PSEN1: variants seen among roughly 807,000 people sequenced by gnomAD.
The protein encoded by PSEN1 is presenilin 1, also known as presenilin-1.
PSEN1 carries 15 observed loss-of-function variants against 53.5 expected under a neutral mutation model. That is an observed-to-expected ratio of 0.28 (90% CI 0.19 to 0.43). PSEN1 has a LOEUF of 0.43. Ranked by LOEUF, PSEN1 falls within the 20% of genes least tolerant of loss-of-function variation. PSEN1 has a pLI of 1.00. For missense variants in PSEN1, 387 were observed against 571.2 expected (o/e 0.68, Z 3.29); for synonymous variants, 208 against 209.8 (o/e 0.99, Z 0.08).
At chr14:73,151,111 G>A (rs1897210167) in intron 3 of PSEN1, among the ~76,000 whole-genome samples, 1 of 152,142 alleles carries the variant, frequency 6.6e-6, no homozygotes, top group East Asian at 1.9e-4. Context: ...ATGTCTGAAA[G>A]TTGAAGAGAA....
intron 8 of PSEN1, among the ~76,000 whole-genome samples, chr14:73,202,046 C>G (rs894816551): frequency 4.0e-5 from 6 of 151,810 alleles, no homozygotes; most frequent in African/African-American, 1.2e-4. Context: ...TGCACCCGAC[C>G]TGTTTTATTT....
At chr14:73,206,494 A>G (rs767718789) in intron 9 of PSEN1, 22 bp downstream of exon 9, 3 of 1,530,900 alleles carry the variant, frequency 2.0e-6, no homozygotes, top group Admixed American at 3.3e-5. Context: ...TTATTAGATA[A>G]TATCTTGATT....
chr14:73,174,094 A>C, intron 5 of PSEN1: 1 of 268,700 alleles, frequency 3.7e-6, no homozygotes, highest in East Asian at 7.0e-5. Flanking sequence ...ATCAAGATTT[A>C]GTGATAATTT....
At chr14:73,216,110 A>G (rs534560557) in intron 10 of PSEN1, among the ~76,000 whole-genome samples, 4 of 152,338 alleles carry the variant, frequency 2.6e-5, no homozygotes, top group Non-Finnish European at 5.9e-5. Context: ...TCAGCTTCCA[A>G]TAACTTCCAA....
chr14:73,169,876 C>T (rs1897835707), intron 3 of PSEN1, among the ~76,000 whole-genome samples: 1 of 152,162 alleles, frequency 6.6e-6, no homozygotes, highest in Non-Finnish European at 1.5e-5. Flanking sequence ...AAACTCCTGA[C>T]CTCAAGTGAT....
At chr14:73,174,141 GTC>G (rs1283849258) in intron 5 of PSEN1, 1 of 200,832 alleles carries the variant, frequency 5.0e-6, no homozygotes, top group Non-Finnish European at 1.0e-5. Flanking sequence ...TTAGGCCATT[GTC>G]TCAAAAAATA....
chr14:73,195,495 T>C (rs1898903272), intron 7 of PSEN1, among the ~76,000 whole-genome samples: 1 of 152,196 alleles, frequency 6.6e-6, no homozygotes. Context: ...ACTAGCTATT[T>C]GACCACACAA....
At position 73,142,904 on chromosome 14, in the gene PSEN1, T is replaced by C. The variant is rs151205233; in HGVS notation, c.-135-4891T>C. 7.2e-5 allele frequency among the ~76,000 whole-genome samples: 11 copies of C among 152,352 alleles called. No homozygotes were observed. In the East Asian group the frequency reaches 2.1e-3, roughly 29 times the overall value. Reference sequence around the variant, plus strand: ...GTCAGTGAATTCAAGTGTTGTGCTCTGTCAGTTTGCAGCAGGTGACCAGAG... The same window carrying C: ...GTCAGTGAATTCAAGTGTTGTGCTCCGTCAGTTTGCAGCAGGTGACCAGAG... On this transcript the variant is annotated intron_variant, in intron 1 of 11. Transcript: ENST00000324501.
intron 6 of PSEN1, among the ~76,000 whole-genome samples, chr14:73,190,485 TAAAAAA>T (rs78682030): frequency 7.5e-6 from 1 of 133,018 alleles, no homozygotes; most frequent in Admixed American, 7.7e-5. Context: ...TGTCTCTATT[TAAAAAA>T]AAAAAAAAAA....
chr14:73,184,825 C>A (rs1173643517), intron 5 of PSEN1, among the ~76,000 whole-genome samples: 1 of 150,010 alleles, frequency 6.7e-6, no homozygotes, highest in African/African-American at 2.5e-5. Context: ...GGCTGCCGGG[C>A]GGAGGGGCTC....
intron 8 of PSEN1, among the ~76,000 whole-genome samples, chr14:73,199,558 C>T (rs1179294792): frequency 6.6e-6 from 1 of 152,178 alleles, no homozygotes; most frequent in African/African-American, 2.4e-5. Context: ...CTATCACAGA[C>T]AGCACTTACA....
At chr14:73,181,029 T>C (rs1236241815) in intron 5 of PSEN1, among the ~76,000 whole-genome samples, 1 of 152,248 alleles carries the variant, frequency 6.6e-6, no homozygotes, top group Non-Finnish European at 1.5e-5. Context: ...AGGATGTTCA[T>C]TTTAATGTAA....
intron 7 of PSEN1, 39 bp downstream of exon 7, chr14:73,192,903 G>A: frequency 6.8e-7 from 1 of 1,478,206 alleles, no homozygotes; most frequent in Non-Finnish European, 9.4e-7. Flanking sequence ...TCACAGGAAT[G>A]CCCCACTGGA....
chr14:73,214,355 A>T (rs561339071), intron 10 of PSEN1, among the ~76,000 whole-genome samples: 9 of 152,172 alleles, frequency 5.9e-5, no homozygotes, highest in Non-Finnish European at 1.0e-4. Context: ...ACATGGAGAA[A>T]CCCCACCTCT....
chr14:73,182,311 C>T (rs932598137), intron 5 of PSEN1, among the ~76,000 whole-genome samples: 6 of 151,696 alleles, frequency 4.0e-5, no homozygotes, highest in Non-Finnish European at 1.5e-5. Context: ...GAGACCCCCA[C>T]CTCTACAAAA....
At chr14:73,149,097 G>A (rs1897148882) in intron 3 of PSEN1, among the ~76,000 whole-genome samples, 1 of 152,126 alleles carries the variant, frequency 6.6e-6, no homozygotes, top group Non-Finnish European at 1.5e-5. Flanking sequence ...GTTGCACTAG[G>A]TGTGGGGTCA....
chr14:73,193,756 A>T (rs1403100609), intron 7 of PSEN1, among the ~76,000 whole-genome samples: 1 of 151,956 alleles, frequency 6.6e-6, no homozygotes, highest in Non-Finnish European at 1.5e-5. Context: ...TCCCTGGCTC[A>T]TGCGATCCTC....
chr14:73,178,301 C>T (rs1017784632), intron 5 of PSEN1, among the ~76,000 whole-genome samples: 1 of 150,468 alleles, frequency 6.6e-6, no homozygotes, highest in African/African-American at 2.5e-5. Flanking sequence ...CTCACTGCAG[C>T]CTCAGCCTCC....
At chr14:73,156,649 C>T (rs922212598) in intron 3 of PSEN1, among the ~76,000 whole-genome samples, 1 of 151,328 alleles carries the variant, frequency 6.6e-6, no homozygotes, top group Non-Finnish European at 1.5e-5. Context: ...GAACTTTTTC[C>T]ATAATAAAAA....
Sources: gnomAD v4.1 joint callset for allele counts (sites outside exome capture counted in the v4.1 genomes callset) on GRCh38, gnomAD v4.1.1 for gene constraint, MANE v1.5 for transcripts, NCBI Gene and HGNC (gene_info 2026-07-23, HGNC 2026-07-21) for gene names.